PRR12: variants seen among roughly 807,000 people sequenced by gnomAD.
PRR12 encodes proline-rich protein 12.
PRR12 carries 12 observed loss-of-function variants against 138.0 expected under a neutral mutation model. The observed-to-expected ratio is 0.09, with a 90% confidence interval of 0.06 to 0.14. The LOEUF is 0.14. PRR12 is among the 10% of genes least tolerant of loss of function. The probability of loss-of-function intolerance (pLI) is 1.00; values close to 1 mark genes in which losing one functional copy is unlikely to be tolerated. For missense variants in PRR12, 2,692 were observed against 2,861.3 expected, an observed-to-expected ratio of 0.94 and a Z score of 1.35; for synonymous variants, 1,567 against 1,291.7, an observed-to-expected ratio of 1.21 and a Z score of -4.57.
chr19:49,624,670 A>C (rs916526206), intron 11 of PRR12, among the ~76,000 whole-genome samples, 174 bp from the exon 12 acceptor site: 16 of 151,986 alleles, frequency 1.1e-4, no homozygotes, highest in Admixed American at 9.2e-4. Context: ...GCCAGAAGGC[A>C]CAGTGGAAGC....
intron 6 of PRR12, among the ~76,000 whole-genome samples, chr19:49,603,836 CT>C (rs2080824732): frequency 6.6e-6 from 1 of 151,628 alleles, no homozygotes; most frequent in Admixed American, 6.6e-5. Flanking sequence ...CTTTTCTTTT[CT>C]TTTCTTTTTT....
intron 2 of PRR12, 92 bp downstream of exon 2, chr19:49,593,531 G>A (rs1405308101): frequency 3.2e-6 from 2 of 622,398 alleles, no homozygotes; most frequent in African/African-American, 4.1e-5. Context: ...CCTCCTAATT[G>A]GCCGTGGCCC....
At chr19:49,603,761 A>G (rs1249483826) in intron 6 of PRR12, among the ~76,000 whole-genome samples, 1 of 152,160 alleles carries the variant, frequency 6.6e-6, no homozygotes, top group African/African-American at 2.4e-5. Context: ...TCGATGTGAC[A>G]TGGAGAAATT....
rs773594924 is a variant in PRR12 at position 49,597,961 on chromosome 19, G to C, written c.3626G>C (p.Arg1209Pro). 1 of 1,400,886 alleles carries C rather than the reference G, an allele frequency of 7.1e-7. No individual in the cohort carries two copies. Among genetic ancestry groups the C allele is most frequent in the African/African-American group, 1.5e-5 (1 of 65,694 alleles). The allele number at this position is 1,400,886 out of a possible 1,614,324, so 86.8% of individuals were successfully genotyped here. Reference protein sequence around the residue: ...KPRGRGRGRGRKAEEAGGTRL... With the variant: ...KPRGRGRGRGPKAEEAGGTRL... ...CGGGGCCGGGGCCGAGGCCGGGGTCGAAAGGCTGAGGAGGCAGGGGGCACC... is the reference window on the plus strand; with the variant it reads ...CGGGGCCGGGGCCGAGGCCGGGGTCCAAAGGCTGAGGAGGCAGGGGGCACC... Residue 1209 changes from arginine to proline, a missense_variant, in exon 4 of 14, where the codon CGA becomes CCA. By Grantham distance (103) the Arg-to-Pro change is moderately radical (BLOSUM62 -2). Around this residue, in one of 11 missense-constraint regions of PRR12, gnomAD observed 326 missense variants for 344.2 expected, o/e 0.95. Transcript: ENST00000418929. The surrounding 1 kb of genome is among the most constrained non-coding windows in gnomAD (Gnocchi z 6.3).
In PRR12 at chr19:49,599,338, A is replaced by G. The variant is rs750319207; in HGVS notation, c.3745A>G (p.Thr1249Ala). Residue 1249 changes from threonine to alanine, a missense_variant, in exon 5 of 14, where the codon ACT (threonine) becomes GCT (alanine). Thr to Ala is a moderately conservative substitution (Grantham distance 58, BLOSUM62 0). Transcript: ENST00000418929. The surrounding 1 kb of genome is among the most constrained non-coding windows in gnomAD (Gnocchi z 5.0). ...GTSSGDAISG[T>A]DHNSLDSSLT... ...CTCATCGGGTGATGCCATATCAGGCACTGACCACAACAGCCTGGACTCGAG... is the reference window on the plus strand; with the variant it reads ...CTCATCGGGTGATGCCATATCAGGCGCTGACCACAACAGCCTGGACTCGAG... 1 of 1,613,276 alleles carries G rather than the reference A, an allele frequency of 6.2e-7. No homozygotes were observed. Among genetic ancestry groups the G allele is most frequent in the Non-Finnish European group, 8.5e-7 (1 of 1,179,788 alleles).
At chr19:49,621,954 A>G (rs566394774) in intron 11 of PRR12, among the ~76,000 whole-genome samples, 6 of 152,184 alleles carry the variant, frequency 3.9e-5, no homozygotes, top group South Asian at 2.1e-4. Context: ...TGTGAGTCCA[A>G]TGCAGGCTAT....
chr19:49,604,066 A>T (rs2080826059), intron 6 of PRR12, among the ~76,000 whole-genome samples: 1 of 151,944 alleles, frequency 6.6e-6, no homozygotes. Context: ...TGATCCACCC[A>T]TCTCGGCCTC....
Position 49,597,180 on chromosome 19 carries a change from A to G in PRR12, c.2845A>G (p.Thr949Ala). 1 of 1,553,902 alleles carries G rather than the reference A, an allele frequency of 6.4e-7. No homozygotes were observed. Among genetic ancestry groups the G allele is most frequent in the South Asian group, 1.2e-5 (1 of 84,320 alleles). The change falls in exon 4 of 14, where the codon ACC becomes GCC. Residue 949 changes from threonine (T) to alanine (A), a missense_variant. Physicochemically the swap from Thr to Ala is moderately conservative, Grantham distance 58 (BLOSUM62 0). Around this residue, in one of 11 missense-constraint regions of PRR12, gnomAD observed 840 missense variants for 689.8 expected, o/e 1.22. Transcript: ENST00000418929. This position sits in a 1 kb window ranked among gnomAD's most constrained non-coding sequence, Gnocchi z 6.3. Reference protein sequence around the residue: ...LQDEERSFFPTMEEMFGGGAA... With the variant: ...LQDEERSFFPAMEEMFGGGAA... ...AGACGAGGAGCGCAGCTTCTTCCCCACCATGGAGGAGATGTTCGGTGGAGG... is the reference window on the plus strand; with the variant it reads ...AGACGAGGAGCGCAGCTTCTTCCCCGCCATGGAGGAGATGTTCGGTGGAGG...
rs774563234 is a variant in PRR12 at position 49,597,024 on chromosome 19, A to G, written c.2689A>G (p.Thr897Ala). ...GCCGCTGCCCCCGGCGCCTGGGGAT[A>G]CTGGCGTAGGCCCACCAAACTCGGA... ...LEPLPPAPGD[T>A]GVGPPNSEGK... The change falls in exon 4 of 14, where the codon ACT becomes GCT. Residue 897 changes from threonine (T) to alanine (A), a missense_variant. Thr to Ala is a moderately conservative substitution (Grantham distance 58). Coordinates refer to ENST00000418929, the MANE Select transcript of PRR12 (RefSeq NM_020719.3). This position sits in a 1 kb window ranked among gnomAD's most constrained non-coding sequence, Gnocchi z 6.3. 1.5e-5 allele frequency: 24 copies of G among 1,557,256 alleles called. No homozygotes were observed. Among genetic ancestry groups the G allele is most frequent in the Non-Finnish European group, 2.0e-5 (23 of 1,152,790 alleles).
intron 4 of PRR12, among the ~76,000 whole-genome samples, chr19:49,598,734 A>T (rs1425224500): frequency 6.6e-6 from 1 of 152,056 alleles, no homozygotes; most frequent in African/African-American, 2.4e-5. Context: ...AGGTGGGAGG[A>T]TCTCTTGAGC....
chr19:49,596,873 G>A lies in PRR12; in HGVS notation c.2538G>A (p.Met846Ile), dbSNP rs1385884438. The part of the protein sequence containing the change: ...PPPPPPPPPP[M>I]PLQLEAHLRS... ...CGCCACCCCCGCCTCCACCACCCAT[G>A]CCCCTGCAGCTCGAGGCCCACCTCC... Residue 846 changes from methionine (M) to isoleucine (I), a missense_variant, in exon 4 of 14, where the codon ATG (methionine) becomes ATA (isoleucine). This residue lies in a region of PRR12 where 840 missense variants were observed against 689.8 expected (regional missense o/e 1.22). Transcript: ENST00000418929. This position sits in a 1 kb window ranked among gnomAD's most constrained non-coding sequence, Gnocchi z 5.6. 1.8e-5 allele frequency: 24 copies of A among 1,357,520 alleles called. No homozygotes were observed. In the Admixed American group the frequency reaches 2.3e-4, roughly 13 times the overall value. 84.1% of individuals were successfully genotyped at this position (1,357,520 alleles called of 1,614,324 possible). A position where few individuals can be genotyped will look rare whatever the true frequency, so the allele number is the denominator to read the frequency against.
chr19:49,600,495 A>AG (rs1295258675), intron 5 of PRR12, among the ~76,000 whole-genome samples: 2 of 150,700 alleles, frequency 1.3e-5, no homozygotes, highest in Non-Finnish European at 3.0e-5. Flanking sequence ...AAAAAAAAAA[A>AG]CCATGACAGG....
At chr19:49,591,829 C>G (rs1421024277) in intron 1 of PRR12, 89 bp downstream of exon 1, 3 of 725,524 alleles carry the variant, frequency 4.1e-6, no homozygotes, top group Non-Finnish European at 4.0e-6. Context: ...CGCCCGGCGA[C>G]GCGTGCATCG....
chr19:49,605,186 G>C (rs1000686722), intron 6 of PRR12, among the ~76,000 whole-genome samples: 4 of 151,998 alleles, frequency 2.6e-5, no homozygotes, highest in Non-Finnish European at 5.9e-5. Context: ...CCAAGGCACA[G>C]AGAGATAAAG....
chr19:49,610,856 G>A (rs1161857396), intron 6 of PRR12, among the ~76,000 whole-genome samples: 1 of 149,422 alleles, frequency 6.7e-6, no homozygotes, highest in Non-Finnish European at 1.5e-5. Flanking sequence ...TTTTTGTTTT[G>A]TTTTTTGAGA....
rs1321743631 is a variant in PRR12, at chr19:49,614,859, C to T, written c.4891-17C>T. The T allele has an allele frequency of 5.0e-6, 8 of 1,613,786 alleles. No homozygotes were observed. Among genetic ancestry groups the T allele is most frequent in the African/African-American group, 1.3e-5 (1 of 74,906 alleles). Reference sequence around the variant, plus strand: ...GCAGTGTGAAGAATTTCCTCATGTGCCTCTTTCTCCCCATAGTATTTGGGG... The same window carrying T: ...GCAGTGTGAAGAATTTCCTCATGTGTCTCTTTCTCCCCATAGTATTTGGGG... On this transcript the variant is annotated splice_polypyrimidine_tract_variant and intron_variant, in intron 7 of 13. Coordinates refer to ENST00000418929, the MANE Select transcript of PRR12 (RefSeq NM_020719.3). The surrounding 1 kb of genome is among the most constrained non-coding windows in gnomAD (Gnocchi z 5.0).
chr19:49,608,772 T>C (rs1224083894), intron 6 of PRR12, among the ~76,000 whole-genome samples: 1 of 151,414 alleles, frequency 6.6e-6, no homozygotes, highest in Non-Finnish European at 1.5e-5. Flanking sequence ...CCCAGGAAGT[T>C]GATGTTGTAG....
rs765421288 is a variant in PRR12 at position 49,595,132 on chromosome 19, A to G, written c.797A>G (p.Tyr266Cys). The change falls in exon 4 of 14, where the codon TAT becomes TGT. Residue 266 changes from tyrosine to cysteine, a missense_variant. Physicochemically the swap from Tyr to Cys is radical, Grantham distance 194. Transcript: ENST00000418929. ...GCCGAGCAGTCCTCCCCACAGCTCTATAACTTCTCGGGTGCTGCCCCGGGC... is the reference window on the plus strand; with the variant it reads ...GCCGAGCAGTCCTCCCCACAGCTCTGTAACTTCTCGGGTGCTGCCCCGGGC... The part of the protein sequence containing the change: ...AAAEQSSPQL[Y>C]NFSGAAPGPP... 16 of 1,611,544 alleles carry G rather than the reference A, an allele frequency of 9.9e-6. No homozygotes were observed. Among genetic ancestry groups the G allele is most frequent in the African/African-American group, 5.4e-5 (4 of 74,762 alleles).
At chr19:49,600,849 C>T (rs1280467702) in intron 5 of PRR12, among the ~76,000 whole-genome samples, 3 of 152,030 alleles carry the variant, frequency 2.0e-5, no homozygotes, top group Admixed American at 1.3e-4. Flanking sequence ...CTCAGCCTCC[C>T]GAGTAGCTGG....
Sources: allele counts gnomAD v4.1 joint callset (sites outside exome capture counted in the v4.1 genomes callset), GRCh38; gene constraint gnomAD v4.1.1; regional missense constraint gnomAD v4.1.1; non-coding constraint Gnocchi (gnomAD v3.1); transcripts MANE v1.5; gene names NCBI Gene and HGNC (gene_info 2026-07-23, HGNC 2026-07-21).